NRG1: variants seen among roughly 807,000 people sequenced by gnomAD.
The protein encoded by NRG1 is neuregulin 1, also known as pro-neuregulin-1, membrane-bound isoform.
In NRG1, 18 loss-of-function variants were observed where a neutral mutation model predicts 63.8. That is an observed-to-expected ratio of 0.28 (90% confidence interval 0.19 to 0.42). The LOEUF is 0.42. Among genes scored for constraint, NRG1 ranks in the 10% least tolerant of loss-of-function variants. NRG1 has a pLI of 1.00. For synonymous variants in NRG1, 302 were observed against 301.3 expected (o/e 1.00, Z -0.02); for missense variants, 762 against 814.7 (o/e 0.94, Z 0.79).
intron 1 of NRG1, among the ~76,000 whole-genome samples, chr8:32,126,772 A>G (rs907503544): frequency 6.6e-6 from 1 of 151,860 alleles, no homozygotes. Context: ...TAGCTTTTCA[A>G]TTTTCTCTCT....
chr8:32,030,506 A>G (rs752313958), intron 1 of NRG1: 3 of 152,136 alleles, frequency 2.0e-5, no homozygotes, highest in Non-Finnish European at 4.4e-5. Flanking sequence ...TTTCAACTCT[A>G]TCCCTTTCCT....
chr8:32,269,139 C>A (rs1343671424), intron 1 of NRG1, among the ~76,000 whole-genome samples: 1 of 151,846 alleles, frequency 6.6e-6, no homozygotes, highest in South Asian at 2.1e-4. Flanking sequence ...TAAATATGCT[C>A]ATTATTAGAA....
intron 1 of NRG1, among the ~76,000 whole-genome samples, chr8:31,995,065 T>C (rs1811740530): frequency 6.6e-6 from 1 of 151,962 alleles, no homozygotes; most frequent in Non-Finnish European, 1.5e-5. Context: ...TTTATTCCCA[T>C]ATTATGTTAT....
chr8:32,617,262 A>C (rs1055716747), intron 5 of NRG1, among the ~76,000 whole-genome samples: 4 of 152,206 alleles, frequency 2.6e-5, no homozygotes, highest in African/African-American at 9.6e-5. Context: ...CATGATACCC[A>C]GCTGTTTGGA....
At chr8:32,485,907 A>AT (rs1825836695) in intron 1 of NRG1, among the ~76,000 whole-genome samples, 2 of 152,102 alleles carry the variant, frequency 1.3e-5, no homozygotes, top group African/African-American at 4.8e-5. Flanking sequence ...TATTTCCCCA[A>AT]TTTGCACTTA....
intron 1 of NRG1, among the ~76,000 whole-genome samples, chr8:31,866,973 A>T (rs962494978): frequency 3.9e-5 from 6 of 152,166 alleles, no homozygotes; most frequent in Middle Eastern, 3.2e-3. Context: ...AGGGATTTTT[A>T]AAATAGATAT....
At chr8:32,324,885 T>C (rs1380973358) in intron 1 of NRG1, among the ~76,000 whole-genome samples, 1 of 152,198 alleles carries the variant, frequency 6.6e-6, no homozygotes, top group East Asian at 1.9e-4. Context: ...TGTAAGCCCT[T>C]GAGAAATCTA....
chr8:31,760,559 A>G (rs987887473), intron 1 of NRG1, among the ~76,000 whole-genome samples: 1 of 152,158 alleles, frequency 6.6e-6, no homozygotes, highest in South Asian at 2.1e-4. Flanking sequence ...TCATCTGACA[A>G]AGGGCTAATA....
At chr8:32,366,580 G>A (rs1382160072) in intron 1 of NRG1, among the ~76,000 whole-genome samples, 6 of 149,142 alleles carry the variant, frequency 4.0e-5, no homozygotes, top group Non-Finnish European at 7.4e-5. Context: ...CACATATAAC[G>A]TCTGTATATA....
At chr8:32,406,537 T>G (rs1248942496) in intron 1 of NRG1, among the ~76,000 whole-genome samples, 1 of 144,664 alleles carries the variant, frequency 6.9e-6, no homozygotes, top group African/African-American at 2.6e-5. Context: ...TCTGTTTCTG[T>G]GCACTAGTTT....
At chr8:32,305,103 T>G (rs1158441057) in intron 1 of NRG1, among the ~76,000 whole-genome samples, 1 of 152,144 alleles carries the variant, frequency 6.6e-6, no homozygotes, top group Non-Finnish European at 1.5e-5. Context: ...TTCATACATA[T>G]TAACCATATC....
At chr8:32,746,181 C>CT (rs11390954) in intron 7 of NRG1, among the ~76,000 whole-genome samples, 59,797 of 151,760 alleles carry the variant, frequency 0.39, 12,390 homozygotes, top group African/African-American at 0.53. Context: ...AGAAAGTCTC[C>CT]GTTAACATTT....
chr8:31,805,373 G>A (rs1822167067), intron 1 of NRG1, among the ~76,000 whole-genome samples: 1 of 151,898 alleles, frequency 6.6e-6, no homozygotes, highest in African/African-American at 2.4e-5. Flanking sequence ...TCATGAAATT[G>A]GAGATTTTAA....
Position 32,717,011 on chromosome 8 carries a change from A to G in NRG1, c.503-10938A>G, listed in dbSNP as rs933995718. Among the ~76,000 whole-genome samples the G allele has an allele frequency of 2.6e-5, 4 of 152,092 alleles. No homozygotes were observed. The South Asian group carries it at 6.2e-4, about 24-fold the overall frequency. ...AGGTGCTTGTTATGTTTGAGTGTGGAGCCCCAAAAATGGAAAAAGAAGAAA... is the reference window on the plus strand; with the variant it reads ...AGGTGCTTGTTATGTTTGAGTGTGGGGCCCCAAAAATGGAAAAAGAAGAAA... On this transcript the variant is annotated intron_variant, in intron 5 of 11. Coordinates refer to ENST00000356819, the Ensembl canonical transcript of NRG1.
intron 1 of NRG1, among the ~76,000 whole-genome samples, chr8:32,309,264 C>T (rs1856553434): frequency 6.6e-6 from 1 of 152,104 alleles, no homozygotes. Context: ...CTACACTGGA[C>T]CTGATATATA....
chr8:32,259,082 A>G (rs1327603841), intron 1 of NRG1, among the ~76,000 whole-genome samples: 1 of 152,206 alleles, frequency 6.6e-6, no homozygotes, highest in African/African-American at 2.4e-5. Context: ...GATTTCTCTC[A>G]TGAATCCGAA....
chr8:32,489,286 C>T (rs898103541), intron 1 of NRG1, among the ~76,000 whole-genome samples: 3 of 152,180 alleles, frequency 2.0e-5, no homozygotes, highest in African/African-American at 4.8e-5. Flanking sequence ...AAGTCATGTA[C>T]CAGTTAAACT....
chr8:32,255,716 A>G (rs1849624365), intron 1 of NRG1, among the ~76,000 whole-genome samples: 1 of 152,000 alleles, frequency 6.6e-6, no homozygotes, highest in Non-Finnish European at 1.5e-5. Flanking sequence ...GATTATCTTT[A>G]TGGTGTTCTC....
At chr8:32,042,271 G>C (rs1026342532) in intron 1 of NRG1, among the ~76,000 whole-genome samples, 2 of 151,786 alleles carry the variant, frequency 1.3e-5, no homozygotes, top group Admixed American at 6.6e-5. Flanking sequence ...AGTGAGACCA[G>C]GTTGCTAGGA....
Sources: gnomAD v4.1 joint callset for allele counts (sites outside exome capture counted in the v4.1 genomes callset) on GRCh38, gnomAD v4.1.1 for gene constraint, MANE v1.5 for transcripts, NCBI Gene and HGNC (gene_info 2026-07-23, HGNC 2026-07-21) for gene names.